Variants in IPCEF1 observed in about 807,000 individuals in gnomAD.
The protein encoded by IPCEF1 is interaction protein for cytohesin exchange factors 1, also known as interactor protein for cytohesin exchange factors 1.
In IPCEF1, 31 loss-of-function variants were observed where a neutral mutation model predicts 50.9. The ratio of observed to expected loss-of-function variants is 0.61; its 90% CI spans 0.46 to 0.82. The LOEUF is 0.82. IPCEF1 is among the 40% of genes least tolerant of loss of function. IPCEF1 has a pLI of 0.00. For synonymous variants in IPCEF1, 181 were observed against 192.0 expected, an observed-to-expected ratio of 0.94 and a Z score of 0.47; for missense variants, 458 against 514.0, an observed-to-expected ratio of 0.89 and a Z score of 1.05.
chr6:154,295,727 G>A (rs1369820438), intron 1 of IPCEF1, among the ~76,000 whole-genome samples: 1 of 152,176 alleles, frequency 6.6e-6, no homozygotes, highest in Non-Finnish European at 1.5e-5. Context: ...ACATGTCTAA[G>A]CTAAAACTGC....
At chr6:154,290,162 G>C (rs1448406730) in intron 1 of IPCEF1, among the ~76,000 whole-genome samples, 1 of 152,304 alleles carries the variant, frequency 6.6e-6, no homozygotes, top group African/African-American at 2.4e-5. Context: ...GCCCAAGTAT[G>C]TGTACTAAAG....
At chr6:154,347,879 G>T (rs1784061348) in intron 1 of IPCEF1, among the ~76,000 whole-genome samples, 1 of 152,192 alleles carries the variant, frequency 6.6e-6, no homozygotes, top group Admixed American at 6.5e-5. Flanking sequence ...TTGACAGAGG[G>T]ATCGCTTGCT....
At chr6:154,331,213 G>A (rs1006618227) in intron 1 of IPCEF1, among the ~76,000 whole-genome samples, 1 of 151,924 alleles carries the variant, frequency 6.6e-6, no homozygotes, top group African/African-American at 2.4e-5. Context: ...GCTGCAGTAA[G>A]CTGAGGGTCA....
intron 2 of IPCEF1, among the ~76,000 whole-genome samples, chr6:154,277,834 C>T (rs1029716763): frequency 3.3e-5 from 5 of 151,956 alleles, no homozygotes; most frequent in African/African-American, 1.2e-4. Flanking sequence ...TTGCTTTTTT[C>T]TTGCTTTTAA....
Position 154,168,826 on chromosome 6 carries a change from G to C in IPCEF1, c.911-713C>G, listed in dbSNP as rs1466725656. Among the ~76,000 whole-genome samples the C allele has an allele frequency of 6.6e-6, 1 of 150,942 alleles. No homozygotes were observed. Among genetic ancestry groups the C allele is most frequent in the Non-Finnish European group, 1.5e-5 (1 of 67,830 alleles). On this transcript the variant is annotated intron_variant, in intron 10 of 11. Transcript: ENST00000367220. The surrounding 1 kb of genome is among the most constrained non-coding windows in gnomAD (Gnocchi z 4.1). The stretch of plus-strand genomic sequence containing the variant: ...TCACCATGTTGCCCAGGCTGGTCTT[G>C]AACTCCTGACTTTGGGTGATCCGCC...
chr6:154,250,464 A>T (rs1247531269), intron 3 of IPCEF1, among the ~76,000 whole-genome samples: 1 of 152,126 alleles, frequency 6.6e-6, no homozygotes, highest in Non-Finnish European at 1.5e-5. Context: ...TTGAGGGGAA[A>T]TTTTTCTTTG....
At chr6:154,275,009 A>C (rs1242882048) in intron 2 of IPCEF1, among the ~76,000 whole-genome samples, 8 of 152,220 alleles carry the variant, frequency 5.3e-5, no homozygotes, top group Non-Finnish European at 1.0e-4. Context: ...TTATATAGGC[A>C]GGGGTCCTAC....
intron 10 of IPCEF1, among the ~76,000 whole-genome samples, chr6:154,192,318 C>CTGTGTGTGTG (rs56231733): frequency 0.035 from 5,168 of 148,022 alleles, 113 homozygotes; most frequent in East Asian, 0.071. Context: ...CACGTGGTTA[C>CTGTGTGTGTG]TGTGTGTGTG....
intron 5 of IPCEF1, among the ~76,000 whole-genome samples, chr6:154,225,269 A>T (rs1325031030): frequency 6.6e-6 from 1 of 152,202 alleles, no homozygotes; most frequent in African/African-American, 2.4e-5. Flanking sequence ...AGAGGAATTG[A>T]AAAAGGGTAC....
chr6:154,177,224 A>C (rs1235131008), intron 10 of IPCEF1, among the ~76,000 whole-genome samples: 1 of 152,240 alleles, frequency 6.6e-6, no homozygotes, highest in Non-Finnish European at 1.5e-5. Flanking sequence ...GGACATAGGC[A>C]TGGGCAAAGA....
chr6:154,266,560 C>CTATATATA (rs34187257), intron 2 of IPCEF1, among the ~76,000 whole-genome samples: 8,053 of 134,538 alleles, frequency 0.06, 332 homozygotes, highest in Admixed American at 0.08. Flanking sequence ...CTTAATATTA[C>CTATATATA]TATATATATA....
chr6:154,336,795 C>A (rs1584002440), intron 1 of IPCEF1, among the ~76,000 whole-genome samples: 1 of 152,030 alleles, frequency 6.6e-6, no homozygotes, highest in Non-Finnish European at 1.5e-5. Context: ...TTTGTTGAGA[C>A]AAGGTCCCAC....
At chr6:154,270,650 AC>A (rs748986621) in intron 2 of IPCEF1, among the ~76,000 whole-genome samples, 2 of 152,238 alleles carry the variant, frequency 1.3e-5, no homozygotes, top group Non-Finnish European at 2.9e-5. Flanking sequence ...TAATTTTGTC[AC>A]CAAAAATTTT....
chr6:154,241,350 T>G (rs894104979), intron 5 of IPCEF1, among the ~76,000 whole-genome samples: 1 of 151,778 alleles, frequency 6.6e-6, no homozygotes, highest in African/African-American at 2.4e-5. Flanking sequence ...ATGGCACACA[T>G]GGTGTCAATA....
At chr6:154,354,677 G>A (rs976267233) in intron 1 of IPCEF1, among the ~76,000 whole-genome samples, 10 of 151,344 alleles carry the variant, frequency 6.6e-5, no homozygotes, top group East Asian at 3.9e-4. Context: ...ACCATGTATC[G>A]CCAACCCTTT....
chr6:154,275,112 C>T (rs551583050), intron 2 of IPCEF1, among the ~76,000 whole-genome samples: 1 of 152,288 alleles, frequency 6.6e-6, no homozygotes, highest in Admixed American at 6.5e-5. Context: ...ATAAAACACA[C>T]CATCACACCT....
intron 10 of IPCEF1, among the ~76,000 whole-genome samples, chr6:154,170,449 A>T (rs1054707908): frequency 1.3e-5 from 2 of 152,228 alleles, no homozygotes; most frequent in Non-Finnish European, 2.9e-5. Context: ...TTATGCAAGA[A>T]TTAGTTTCCC....
At position 154,346,708 on chromosome 6, in the gene IPCEF1, G is replaced by A. The variant is rs116763012; in HGVS notation, c.-62+9964C>T. Among the ~76,000 whole-genome samples the A allele has an allele frequency of 9.5e-3, 1,449 of 152,318 alleles. 18 individuals are homozygous for A. The highest frequency in any genetic ancestry group is 0.031 in the African/African-American group (1,303 of 41,548). ...CATGGCAGCATGAGAGAGAAGTGCA[G>A]AGCAAAGCAAGGTAAAGCCTCTTAT... On this transcript the variant is annotated intron_variant, in intron 1 of 11. Coordinates refer to ENST00000367220, the MANE Select transcript of IPCEF1 (RefSeq NM_001130700.2).
At chr6:154,287,507 A>C (rs1452169534) in intron 2 of IPCEF1, among the ~76,000 whole-genome samples, 1 of 152,234 alleles carries the variant, frequency 6.6e-6, no homozygotes, top group Non-Finnish European at 1.5e-5. Context: ...ACAGATGAGG[A>C]AAGCGAAGTG....
Sources: gnomAD v4.1 joint callset for allele counts (sites outside exome capture counted in the v4.1 genomes callset) on GRCh38, gnomAD v4.1.1 for gene constraint, Gnocchi (gnomAD v3.1) non-coding constraint, MANE v1.5 for transcripts, NCBI Gene and HGNC (gene_info 2026-07-23, HGNC 2026-07-21) for gene names.